Variants in ZNF607 observed in about 807,000 individuals in gnomAD.
The protein encoded by ZNF607 is zinc finger protein 607.
A neutral mutation model predicts 12.8 loss-of-function variants in ZNF607; 5 were observed. The ratio of observed to expected loss-of-function variants is 0.39; its 90% CI spans 0.20 to 0.82. ZNF607 has a LOEUF of 0.82. ZNF607 is among the 40% of genes least tolerant of loss of function. The pLI, the probability that ZNF607 is intolerant of heterozygous loss-of-function variation, is 0.39. For missense variants in ZNF607, 851 were observed against 859.2 expected, an observed-to-expected ratio of 0.99 and a Z score of 0.12; for synonymous variants, 287 against 276.2, an observed-to-expected ratio of 1.04 and a Z score of -0.39.
intron 1 of ZNF607, among the ~76,000 whole-genome samples, chr19:37,712,560 A>G (rs1171318574): frequency 1.3e-5 from 2 of 152,214 alleles, no homozygotes; most frequent in African/African-American, 2.4e-5. Flanking sequence ...CTCACTATGT[A>G]TTCCATTTTG....
chr19:37,706,697 A>AT (rs889958952), intron 4 of ZNF607: 12 of 149,468 alleles, frequency 8.0e-5, no homozygotes, highest in Non-Finnish European at 1.3e-4. Context: ...GAATTTCTTA[A>AT]TTTTTTTTTT....
At chr19:37,715,080 G>A (rs762355101) in intron 1 of ZNF607, among the ~76,000 whole-genome samples, 5 of 151,536 alleles carry the variant, frequency 3.3e-5, no homozygotes, top group Non-Finnish European at 5.9e-5. Flanking sequence ...CTAATTTTTT[G>A]TACTTTTAGA....
chr19:37,696,939 A>G lies in ZNF607; in HGVS notation c.*1101T>C. 2 of 681,364 alleles carry G rather than the reference A, an allele frequency of 2.9e-6. No individual in the cohort carries two copies. The highest frequency in any genetic ancestry group is 5.4e-6 in the Non-Finnish European group (2 of 372,962). 42.2% of individuals were successfully genotyped at this position (681,364 alleles called of 1,614,324 possible). A position where few individuals can be genotyped will look rare whatever the true frequency, so the allele number is the denominator to read the frequency against. On this transcript the variant is annotated 3_prime_UTR_variant, in exon 5 of 5. Transcript: ENST00000355202. ...GAGCCCAAAGGTGGCTGCTCACTCC[A>G]TAAGGTTGTTGCTCACCTGGCTGGA...
rs2045116593 is a variant in ZNF607, at chr19:37,709,795, T to C, written c.37A>G (p.Ile13Val). The change falls in exon 3 of 5, where the codon ATA (isoleucine) becomes GTA (valine). Residue 13 changes from isoleucine to valine, a missense_variant. Ile to Val is a conservative substitution (Grantham distance 29). Transcript: ENST00000355202. ...YGSITFGDVA[I>V]DFSHQEWEYL... The stretch of plus-strand genomic sequence containing the variant: ...TCCCACTCCTGATGAGAGAAGTCTA[T>C]GGCCACATCCCCGAATGTTATTGAT... The C allele has an allele frequency of 1.2e-6, 2 of 1,613,988 alleles. No homozygotes were observed. The highest frequency in any genetic ancestry group is 1.7e-6 in the Non-Finnish European group (2 of 1,179,882).
Position 37,699,237 on chromosome 19 carries a change from A to G in ZNF607, c.894T>C (p.Gly298=), listed in dbSNP as rs2045014695. The change falls in exon 5 of 5, where the codon GGT becomes GGC. Residue 298 remains glycine, a synonymous_variant. Coordinates refer to ENST00000355202, the MANE Select transcript of ZNF607 (RefSeq NM_032689.5). ...TTTCTCCAGTATGAATTCTTTTATGACCCACAAGGTGGGAAAACTGACGAA... is the reference window on the plus strand; with the variant it reads ...TTTCTCCAGTATGAATTCTTTTATGGCCCACAAGGTGGGAAAACTGACGAA... ...KAFRQFSHLV[G]HKRIHTGEKP... 6.2e-7 allele frequency: 1 copy of G among 1,613,802 alleles called. No homozygotes were observed. Among genetic ancestry groups the G allele is most frequent in the Non-Finnish European group, 8.5e-7 (1 of 1,179,976 alleles).
At chr19:37,702,449 A>C (rs535055751) in intron 4 of ZNF607, among the ~76,000 whole-genome samples, 1 of 152,300 alleles carries the variant, frequency 6.6e-6, no homozygotes, top group South Asian at 2.1e-4. Context: ...TAGTGAAAGA[A>C]ATAAATTTGT....
In ZNF607 at chr19:37,698,890, A is replaced by G. The variant is rs2045008623; in HGVS notation, c.1241T>C (p.Ile414Thr). Residue 414 changes from isoleucine to threonine, a missense_variant, in exon 5 of 5, where the codon ATT (isoleucine) becomes ACT (threonine). Ile to Thr is a moderately conservative substitution (Grantham distance 89). Coordinates refer to ENST00000355202, the MANE Select transcript of ZNF607 (RefSeq NM_032689.5). The part of the protein sequence containing the change: ...LNSSLKIHQN[I>T]HTGEKPYKCK... The stretch of plus-strand genomic sequence containing the variant: ...TTTGTAGGGTTTCTCACCGGTATGA[A>G]TATTTTGATGTATTTTAAGGGATGA... 6.2e-7 allele frequency: 1 copy of G among 1,614,024 alleles called. No homozygotes were observed. Among genetic ancestry groups the G allele is most frequent in the East Asian group, 2.2e-5 (1 of 44,872 alleles).
intron 1 of ZNF607, among the ~76,000 whole-genome samples, chr19:37,713,336 A>C (rs938906497): frequency 2.6e-5 from 4 of 152,114 alleles, no homozygotes; most frequent in Non-Finnish European, 5.9e-5. Context: ...ATAGACTGTA[A>C]AAGTATTTCA....
At chr19:37,708,231 T>C (rs2045103311) in intron 3 of ZNF607, among the ~76,000 whole-genome samples, 1 of 151,470 alleles carries the variant, frequency 6.6e-6, no homozygotes, top group Admixed American at 6.6e-5. Flanking sequence ...AGTCTCGCTC[T>C]GTCACCCAGG....
At position 37,698,868 on chromosome 19, in the gene ZNF607, G is replaced by A; in HGVS notation, c.1263C>T (p.Tyr421=). The change falls in exon 5 of 5, where the codon TAC becomes TAT. Residue 421 remains tyrosine, a synonymous_variant. Transcript: ENST00000355202. The part of the protein sequence containing the change: ...HQNIHTGEKP[Y]KCKECGKAFS... ...AGGCCTTCCCACATTCCTTACATTT[G>A]TAGGGTTTCTCACCGGTATGAATAT... 6.2e-7 allele frequency: 1 copy of A among 1,613,818 alleles called. No individual in the cohort carries two copies. The highest frequency in any genetic ancestry group is 1.1e-5 in the South Asian group (1 of 91,060).
At chr19:37,706,689 A>T (rs1178974930) in intron 4 of ZNF607, 3 of 152,034 alleles carry the variant, frequency 2.0e-5, no homozygotes, top group Admixed American at 6.6e-5. Flanking sequence ...CTTGACAAGA[A>T]TTTCTTAATT....
In ZNF607 at chr19:37,696,995, A is replaced by C. The variant is rs1225703933; in HGVS notation, c.*1045T>G. 1.4e-6 allele frequency: 1 copy of C among 710,844 alleles called. No homozygotes were observed. The highest frequency in any genetic ancestry group is 2.0e-5 in the Admixed American group (1 of 51,126). The allele number at this position is 710,844 out of a possible 1,614,324, so 44.0% of individuals were successfully genotyped here. On this transcript the variant is annotated 3_prime_UTR_variant, in exon 5 of 5. Transcript: ENST00000355202. Reference sequence around the variant, plus strand: ...GCTCCCTCTGGGTGATTAGTTCTCCAGCATCAAAGCGAGCCACCAGTGACT... The same window carrying C: ...GCTCCCTCTGGGTGATTAGTTCTCCCGCATCAAAGCGAGCCACCAGTGACT...
intron 1 of ZNF607, among the ~76,000 whole-genome samples, chr19:37,716,319 C>A (rs1472650359): frequency 6.6e-6 from 1 of 152,188 alleles, no homozygotes; most frequent in Non-Finnish European, 1.5e-5. Context: ...AAGCGGAGGT[C>A]ATTTCCTTAT....
At chr19:37,714,872 A>T (rs2045163158) in intron 1 of ZNF607, among the ~76,000 whole-genome samples, 1 of 151,622 alleles carries the variant, frequency 6.6e-6, no homozygotes, top group Non-Finnish European at 1.5e-5. Flanking sequence ...CCGTTATTAT[A>T]AAAGGAACTT....
intron 4 of ZNF607, among the ~76,000 whole-genome samples, chr19:37,701,818 A>G (rs1238862225): frequency 1.3e-5 from 2 of 152,232 alleles, no homozygotes; most frequent in Non-Finnish European, 2.9e-5. Context: ...ATTAAGACAA[A>G]GCTTAGAAAA....
chr19:37,711,583 T>G, intron 2 of ZNF607, 27 bp downstream of exon 2: 1 of 1,613,076 alleles, frequency 6.2e-7, no homozygotes, highest in East Asian at 2.2e-5. Flanking sequence ...CACACAAACC[T>G]CCACATGGCG....
intron 4 of ZNF607, among the ~76,000 whole-genome samples, chr19:37,707,048 C>T (rs1599665462): frequency 6.6e-6 from 1 of 152,114 alleles, no homozygotes; most frequent in Non-Finnish European, 1.5e-5. Flanking sequence ...GTGGTCTTGA[C>T]CTCCTGTCTT....
At chr19:37,703,703 G>A (rs1389713746) in intron 4 of ZNF607, among the ~76,000 whole-genome samples, 1 of 152,098 alleles carries the variant, frequency 6.6e-6, no homozygotes, top group Admixed American at 6.5e-5. Context: ...ACTCAAGAAG[G>A]TGCATGTCGT....
chr19:37,719,520 C>T lies in ZNF607; in HGVS notation c.-326G>A, dbSNP rs1297500236. 1 of 152,308 alleles carries T rather than the reference C, an allele frequency of 6.6e-6. No individual in the cohort carries two copies. The highest frequency in any genetic ancestry group is 1.9e-4 in the East Asian group (1 of 5,178). The allele number at this position is 152,308 out of a possible 1,614,324, so 9.4% of individuals were successfully genotyped here. A position where few individuals can be genotyped will look rare whatever the true frequency, so the allele number is the denominator to read the frequency against. On this transcript the variant is annotated 5_prime_UTR_variant, in exon 1 of 5. Coordinates refer to ENST00000355202, the MANE Select transcript of ZNF607 (RefSeq NM_032689.5). ...GGGCGGCGGGCTGGGGCTGCAGAGG[C>T]TCCCGCAGTGACCTGCGCCGCCTTC...
Sources: allele counts gnomAD v4.1 joint callset (sites outside exome capture counted in the v4.1 genomes callset), GRCh38; gene constraint gnomAD v4.1.1; transcripts MANE v1.5; gene names NCBI Gene and HGNC (gene_info 2026-07-23, HGNC 2026-07-21).